Variants in ZNF385B observed in about 807,000 individuals in gnomAD.
ZNF385B encodes the protein zinc finger protein 533.
A neutral mutation model predicts 39.2 loss-of-function variants in ZNF385B; 23 were observed. The observed-to-expected ratio is 0.59, with a 90% CI of 0.42 to 0.83. The LOEUF (loss-of-function observed/expected upper bound fraction) is 0.83, where lower values mean the gene tolerates loss of function less well. Among genes scored for constraint, ZNF385B ranks in the 40% least tolerant of loss-of-function variants. The pLI, the probability that ZNF385B is intolerant of heterozygous loss-of-function variation, is 0.00. For missense variants in ZNF385B, 552 were observed against 598.9 expected (o/e 0.92, Z 0.82); for synonymous variants, 205 against 222.6 (o/e 0.92, Z 0.70).
chr2:179,443,526 C>G, intron 9 of ZNF385B, 58 bp from the exon 10 acceptor site: 1 of 1,308,716 alleles, frequency 7.6e-7, no homozygotes, highest in Admixed American at 2.0e-5. Context: ...ATAACAGCAC[C>G]ACAGGCATCT....
At chr2:179,768,990 A>G (rs1575456410) in intron 3 of ZNF385B, among the ~76,000 whole-genome samples, 1 of 152,316 alleles carries the variant, frequency 6.6e-6, no homozygotes, top group Admixed American at 6.5e-5. Flanking sequence ...TTGTTAGAAC[A>G]CCCAGCACAC....
intron 1 of ZNF385B, among the ~76,000 whole-genome samples, chr2:179,785,609 A>C (rs1575487702): frequency 6.6e-6 from 1 of 152,132 alleles, no homozygotes; most frequent in African/African-American, 2.4e-5. Flanking sequence ...GGTTCAAGAA[A>C]CACTTAAGTG....
At chr2:179,717,992 C>T (rs183866436) in intron 3 of ZNF385B, among the ~76,000 whole-genome samples, 33 of 152,258 alleles carry the variant, frequency 2.2e-4, no homozygotes, top group Admixed American at 2.1e-3. Context: ...CATCCGAAGA[C>T]ATTTTTGCTA....
At chr2:179,697,454 G>A (rs1002162590) in intron 3 of ZNF385B, among the ~76,000 whole-genome samples, 9 of 152,232 alleles carry the variant, frequency 5.9e-5, no homozygotes, top group South Asian at 2.1e-4. Flanking sequence ...TTTCCCCTTC[G>A]CCTTCCACTG....
At chr2:179,754,465 T>A (rs1348571230) in intron 3 of ZNF385B, among the ~76,000 whole-genome samples, 1 of 152,182 alleles carries the variant, frequency 6.6e-6, no homozygotes, top group Non-Finnish European at 1.5e-5. Flanking sequence ...TTAGGGAGGA[T>A]TCCCTCTTTT....
chr2:179,506,501 A>G (rs1455006353), intron 5 of ZNF385B, among the ~76,000 whole-genome samples: 1 of 152,184 alleles, frequency 6.6e-6, no homozygotes, highest in Admixed American at 6.5e-5. Flanking sequence ...TATAATTAAT[A>G]GTTATCTAAA....
chr2:179,726,993 G>C (rs954418872), intron 3 of ZNF385B, among the ~76,000 whole-genome samples: 6 of 151,960 alleles, frequency 3.9e-5, no homozygotes, highest in African/African-American at 1.4e-4. Flanking sequence ...CACAATGTGT[G>C]ACTTAAATGA....
intron 1 of ZNF385B, among the ~76,000 whole-genome samples, chr2:179,771,601 AT>A (rs1328415917): frequency 6.6e-6 from 1 of 152,232 alleles, no homozygotes; most frequent in African/African-American, 2.4e-5. Context: ...TTCAGCTATA[AT>A]TGAAATGGGG....
At chr2:179,662,663 C>T (rs1024334148) in intron 3 of ZNF385B, among the ~76,000 whole-genome samples, 1 of 152,120 alleles carries the variant, frequency 6.6e-6, no homozygotes, top group Non-Finnish European at 1.5e-5. Context: ...CTTCCTTAAT[C>T]AGGTTGGCCA....
At chr2:179,456,597 T>C (rs1040515564) in intron 6 of ZNF385B, among the ~76,000 whole-genome samples, 3 of 152,204 alleles carry the variant, frequency 2.0e-5, no homozygotes, top group African/African-American at 7.2e-5. Flanking sequence ...ATAAACTTCC[T>C]TTATACAAAC....
At chr2:179,629,690 G>A (rs991157938) in intron 3 of ZNF385B, among the ~76,000 whole-genome samples, 3 of 152,210 alleles carry the variant, frequency 2.0e-5, no homozygotes, top group African/African-American at 4.8e-5. Context: ...AGCCCATGGA[G>A]GATGAGCCAA....
At chr2:179,672,472 T>A (rs188354521) in intron 3 of ZNF385B, among the ~76,000 whole-genome samples, 1 of 152,274 alleles carries the variant, frequency 6.6e-6, no homozygotes. Flanking sequence ...GATGAATGTA[T>A]TTTGTATGGA....
intron 3 of ZNF385B, among the ~76,000 whole-genome samples, chr2:179,594,978 T>G (rs1687879281): frequency 6.6e-6 from 1 of 152,146 alleles, no homozygotes; most frequent in South Asian, 2.1e-4. Context: ...CTAGTGAACT[T>G]AAGTTAGAAA....
intron 3 of ZNF385B, among the ~76,000 whole-genome samples, chr2:179,605,245 T>C (rs1228018557): frequency 6.6e-6 from 1 of 152,174 alleles, no homozygotes; most frequent in Non-Finnish European, 1.5e-5. Flanking sequence ...AACATGATTT[T>C]TTTTTCAGTA....
chr2:179,707,581 T>C (rs542923275), intron 3 of ZNF385B, among the ~76,000 whole-genome samples: 17 of 152,312 alleles, frequency 1.1e-4, no homozygotes, highest in Non-Finnish European at 2.2e-4. Context: ...AAAGACACTA[T>C]CTTAGTTGGC....
intron 6 of ZNF385B, among the ~76,000 whole-genome samples, chr2:179,457,707 C>T (rs1324508087): frequency 2.0e-5 from 3 of 152,012 alleles, no homozygotes; most frequent in Non-Finnish European, 4.4e-5. Flanking sequence ...ATCTTTAGCC[C>T]ATTTTTAAAA....
intron 3 of ZNF385B, among the ~76,000 whole-genome samples, chr2:179,611,862 C>T (rs1000867704): frequency 2.6e-5 from 4 of 151,998 alleles, no homozygotes; most frequent in Non-Finnish European, 4.4e-5. Flanking sequence ...TTTGTGGTAT[C>T]GATTGTAATG....
rs1394311422 is a variant in ZNF385B at position 179,555,637 on chromosome 2, C to CT, written c.299-10669dup. Among the ~76,000 whole-genome samples, 19 of 149,144 alleles carry CT rather than the reference C, an allele frequency of 1.3e-4. 2 individuals are homozygous for CT. The highest frequency in any genetic ancestry group is 9.3e-4 in the Admixed American group (14 of 15,012). ...GGATGACAATGATGCTTTTTGAGTT[C>CT]TTTTTTTTCTACTGCCAGCTTGATT... On this transcript the variant is annotated intron_variant, in intron 3 of 9. Transcript: ENST00000410066.
intron 1 of ZNF385B, among the ~76,000 whole-genome samples, chr2:179,858,948 G>A (rs1055410292): frequency 7.9e-5 from 12 of 152,338 alleles, no homozygotes; most frequent in African/African-American, 2.9e-4. Context: ...GGGAGGCGGG[G>A]TGGCCAGTCC....
Sources: allele counts gnomAD v4.1 joint callset (sites outside exome capture counted in the v4.1 genomes callset), GRCh38; gene constraint gnomAD v4.1.1; transcripts MANE v1.5; gene names NCBI Gene and HGNC (gene_info 2026-07-23, HGNC 2026-07-21).